The following DOCK1 variants were observed in gnomAD, a reference collection of about 807,000 sequenced individuals.
The protein encoded by DOCK1 is dedicator of cytokinesis 1, also known as dedicator of cytokinesis protein 1.
In DOCK1, 138 loss-of-function variants were observed where a neutral mutation model predicts 262.7. The observed-to-expected ratio is 0.53, with a 90% confidence interval of 0.46 to 0.61. DOCK1 has a LOEUF of 0.61. Among genes scored for constraint, DOCK1 ranks in the 20% least tolerant of loss-of-function variants. The pLI is 0.00. For synonymous variants in DOCK1, 866 were observed against 867.4 expected (o/e 1.00, Z 0.03); for missense variants, 1,908 against 2,370.7 (o/e 0.80, Z 4.05).
At chr10:127,205,931 T>C (rs2057699076) in intron 27 of DOCK1, among the ~76,000 whole-genome samples, 1 of 152,166 alleles carries the variant, frequency 6.6e-6, no homozygotes, top group Non-Finnish European at 1.5e-5. Context: ...ATGGGTATAA[T>C]GCACTTTAAG....
intron 24 of DOCK1, among the ~76,000 whole-genome samples, chr10:127,107,643 G>T (rs1168530467): frequency 6.6e-6 from 1 of 152,146 alleles, no homozygotes; most frequent in African/African-American, 2.4e-5. Flanking sequence ...TTGGGAACTT[G>T]TTAGAGAAAG....
At chr10:127,300,249 G>A (rs2061635929) in intron 29 of DOCK1, among the ~76,000 whole-genome samples, 1 of 152,196 alleles carries the variant, frequency 6.6e-6, no homozygotes, top group Non-Finnish European at 1.5e-5. Context: ...GGATGTTGAA[G>A]ACAGATTAGA....
At chr10:127,345,105 A>T (rs1429218640) in intron 31 of DOCK1, among the ~76,000 whole-genome samples, 1 of 152,168 alleles carries the variant, frequency 6.6e-6, no homozygotes, top group African/African-American at 2.4e-5. Context: ...AGGCTGTAGT[A>T]TCTCAGTTTG....
rs71032536 is a variant in DOCK1, at chr10:127,075,169, C to CAAAAAAAAAA, written c.2445+13414_2445+13423dup. Among the ~76,000 whole-genome samples, 21 of 64,322 alleles carry CAAAAAAAAAA rather than the reference C, an allele frequency of 3.3e-4. 2 individuals carry two copies. The highest frequency in any genetic ancestry group is 1.5e-3 in the African/African-American group (21 of 14,218). 42.2% of individuals were successfully genotyped at this position (64,322 alleles called of 152,430 possible). On this transcript the variant is annotated intron_variant, in intron 23 of 51. Transcript: ENST00000623213. Reference sequence around the variant, plus strand: ...GGGCAACAAGAGCGAAACTCTGTCTCAAAAAAAAAAAAAAAAAAAAAAAAA... The same window carrying CAAAAAAAAAA: ...GGGCAACAAGAGCGAAACTCTGTCTCAAAAAAAAAAAAAAAAAAAAAAAAAAAAAAAAAAA...
chr10:127,113,778 A>G (rs1313829131), intron 25 of DOCK1, among the ~76,000 whole-genome samples: 2 of 152,132 alleles, frequency 1.3e-5, no homozygotes, highest in Non-Finnish European at 2.9e-5. Flanking sequence ...GGCCTGCGTC[A>G]CTGCGGCCAT....
chr10:127,279,429 C>T (rs1204007224), intron 29 of DOCK1, among the ~76,000 whole-genome samples: 1 of 152,200 alleles, frequency 6.6e-6, no homozygotes, highest in Non-Finnish European at 1.5e-5. Context: ...AGAGAAGAAT[C>T]AGCTTTGCTT....
At chr10:127,185,480 T>C (rs1467012554) in intron 27 of DOCK1, among the ~76,000 whole-genome samples, 1 of 152,180 alleles carries the variant, frequency 6.6e-6, no homozygotes, top group Non-Finnish European at 1.5e-5. Flanking sequence ...GAGCCGAGAT[T>C]GCACCACTGC....
Position 127,380,538 on chromosome 10 carries a change from G to A in DOCK1, c.3716+416G>A, listed in dbSNP as rs546421057. ...TTCAGTCTGCTCTTAGTTAACTGAC[G>A]CCATAGTCCCGTGTTTTTTATGTCT... On this transcript the variant is annotated intron_variant, in intron 36 of 51. Transcript: ENST00000623213. 1.1e-4 allele frequency among the ~76,000 whole-genome samples: 17 copies of A among 152,226 alleles called. No homozygotes were observed. In the South Asian group the frequency reaches 1.9e-3, roughly 17 times the overall value.
intron 31 of DOCK1, among the ~76,000 whole-genome samples, chr10:127,348,835 T>C (rs2063757234): frequency 6.6e-6 from 1 of 152,348 alleles, no homozygotes; most frequent in African/African-American, 2.4e-5. Context: ...ATGCCATGCA[T>C]GCCGTTTTGC....
intron 23 of DOCK1, among the ~76,000 whole-genome samples, chr10:127,076,286 G>A (rs2046535887): frequency 6.6e-6 from 1 of 152,312 alleles, no homozygotes; most frequent in East Asian, 1.9e-4. Flanking sequence ...CGGATCACAA[G>A]GTCAGTAGAT....
chr10:127,039,337 C>T (rs900361331), intron 19 of DOCK1, among the ~76,000 whole-genome samples: 1 of 152,090 alleles, frequency 6.6e-6, no homozygotes, highest in African/African-American at 2.4e-5. Flanking sequence ...AAATTTTGTC[C>T]TCTTTCATTT....
At chr10:126,946,312 C>T (rs1245886139) in intron 1 of DOCK1, among the ~76,000 whole-genome samples, 5 of 151,998 alleles carry the variant, frequency 3.3e-5, no homozygotes, top group South Asian at 4.1e-4. Context: ...TTTGGGAGGC[C>T]GAGGTGGGTG....
rs147295824 is a variant in DOCK1 at position 127,017,035 on chromosome 10, C to CCACACACACACA, written c.1202-1662_1202-1651dup. Among the ~76,000 whole-genome samples the CCACACACACACA allele has an allele frequency of 5.2e-4, 56 of 108,540 alleles. 3 individuals carry two copies. The highest frequency in any genetic ancestry group is 9.0e-4 in the Non-Finnish European group (46 of 51,006). 71.2% of individuals were successfully genotyped at this position (108,540 alleles called of 152,430 possible). A position where few individuals can be genotyped will look rare whatever the true frequency, so the allele number is the denominator to read the frequency against. Reference sequence around the variant, plus strand: ...AAACACAGATATGCAGATACAGATACCACACACACACACACACACACACAG... The same window carrying CCACACACACACA: ...AAACACAGATATGCAGATACAGATACCACACACACACACACACACACACACACACACACACAG... On this transcript the variant is annotated intron_variant, in intron 12 of 51. Coordinates refer to ENST00000623213, the MANE Select transcript of DOCK1 (RefSeq NM_001290223.2).
chr10:127,412,809 T>C (rs1277645579), intron 43 of DOCK1, among the ~76,000 whole-genome samples: 1 of 152,328 alleles, frequency 6.6e-6, no homozygotes, highest in African/African-American at 2.4e-5. Flanking sequence ...GAGGCCAGAT[T>C]CCTTGTGTGT....
chr10:127,031,115 G>A (rs2043209058), intron 16 of DOCK1, among the ~76,000 whole-genome samples: 1 of 152,208 alleles, frequency 6.6e-6, no homozygotes, highest in Non-Finnish European at 1.5e-5. Flanking sequence ...GATATTGCAA[G>A]GCAGGAATTG....
intron 38 of DOCK1, among the ~76,000 whole-genome samples, chr10:127,398,739 A>G (rs182258745): frequency 5.1e-4 from 77 of 152,336 alleles, no homozygotes; most frequent in African/African-American, 1.8e-3. Context: ...ATGAAACCAG[A>G]GTCGCCCACC....
chr10:126,911,667 T>G (rs2031783619), intron 1 of DOCK1, among the ~76,000 whole-genome samples: 1 of 152,154 alleles, frequency 6.6e-6, no homozygotes, highest in South Asian at 2.1e-4. Flanking sequence ...GGGTGAGTGT[T>G]TGAACCTCTT....
intron 41 of DOCK1, 60 bp downstream of exon 41, chr10:127,409,238 GTT>G: frequency 6.2e-7 from 1 of 1,612,176 alleles, no homozygotes; most frequent in Non-Finnish European, 8.5e-7. Flanking sequence ...CATTTGGGTG[GTT>G]GGGTGTGGTG....
chr10:127,110,174 T>G, intron 24 of DOCK1, 74 bp from the exon 25 acceptor site: 1 of 1,243,266 alleles, frequency 8.0e-7, no homozygotes, highest in Non-Finnish European at 1.2e-6. Flanking sequence ...ATGACCTATA[T>G]CTCAGTATTG....
Sources: gnomAD v4.1 joint callset for allele counts (sites outside exome capture counted in the v4.1 genomes callset) on GRCh38, gnomAD v4.1.1 for gene constraint, MANE v1.5 for transcripts, NCBI Gene and HGNC (gene_info 2026-07-23, HGNC 2026-07-21) for gene names.